Variants in ROBO2 observed in about 807,000 individuals in gnomAD.
The protein encoded by ROBO2 is roundabout homolog 2.
In ROBO2, 53 loss-of-function variants were observed where a neutral mutation model predicts 160.8. The ratio of observed to expected loss-of-function variants is 0.33; its 90% CI spans 0.26 to 0.41. The LOEUF (loss-of-function observed/expected upper bound fraction) is 0.41, where lower values mean the gene tolerates loss of function less well. Ranked by LOEUF, ROBO2 falls within the 10% of genes least tolerant of loss-of-function variation. The pLI, the probability that ROBO2 is intolerant of heterozygous loss-of-function variation, is 1.00. For synonymous variants in ROBO2, 664 were observed against 611.7 expected, an observed-to-expected ratio of 1.09 and a Z score of -1.26; for missense variants, 1,577 against 1,722.4, an observed-to-expected ratio of 0.92 and a Z score of 1.49.
At chr3:76,117,237 G>A (rs773582719) in intron 2 of ROBO2, among the ~76,000 whole-genome samples, 4 of 152,108 alleles carry the variant, frequency 2.6e-5, no homozygotes, top group Non-Finnish European at 2.9e-5. Flanking sequence ...ATATCTGCTT[G>A]TTCATAGCTT....
At chr3:76,766,095 C>G (rs1425047154) in intron 2 of ROBO2, among the ~76,000 whole-genome samples, 2 of 151,658 alleles carry the variant, frequency 1.3e-5, no homozygotes, top group Admixed American at 6.6e-5. Context: ...AATCGAATAA[C>G]TGTCATTGTT....
chr3:76,463,059 G>A (rs2078171909), intron 2 of ROBO2, among the ~76,000 whole-genome samples: 2 of 152,156 alleles, frequency 1.3e-5, no homozygotes, highest in African/African-American at 4.8e-5. Context: ...CAGCAGGGAA[G>A]TGGAGGCTGT....
chr3:76,861,712 G>A (rs1023396445), intron 2 of ROBO2, among the ~76,000 whole-genome samples: 2 of 152,200 alleles, frequency 1.3e-5, no homozygotes, highest in East Asian at 3.9e-4. Flanking sequence ...GTATCTTAAA[G>A]TCAAAGTTTA....
intron 2 of ROBO2, among the ~76,000 whole-genome samples, chr3:75,964,650 T>C (rs1243978526): frequency 6.6e-6 from 1 of 151,702 alleles, no homozygotes; most frequent in East Asian, 1.9e-4. Flanking sequence ...TGAACATCCC[T>C]ATTTTACCAA....
intron 2 of ROBO2, among the ~76,000 whole-genome samples, chr3:76,393,800 G>A (rs1377504455): frequency 6.6e-6 from 1 of 152,156 alleles, no homozygotes; most frequent in East Asian, 1.9e-4. Context: ...TCCTCAGCAT[G>A]AATCATACAG....
At chr3:76,475,698 C>G (rs2078897718) in intron 2 of ROBO2, among the ~76,000 whole-genome samples, 1 of 152,072 alleles carries the variant, frequency 6.6e-6, no homozygotes, top group Admixed American at 6.6e-5. Context: ...TGATTTTATT[C>G]TAAGAAGACG....
At chr3:76,336,066 A>G (rs867638031) in intron 2 of ROBO2, among the ~76,000 whole-genome samples, 3 of 152,186 alleles carry the variant, frequency 2.0e-5, no homozygotes, top group Admixed American at 2.0e-4. Context: ...ATAGATACGT[A>G]TTTCTCTCAT....
chr3:76,213,696 T>C (rs1238449899), intron 2 of ROBO2, among the ~76,000 whole-genome samples: 1 of 152,132 alleles, frequency 6.6e-6, no homozygotes, highest in Admixed American at 6.6e-5. Context: ...GAAAATCAGG[T>C]TTTTGTGGTG....
At chr3:77,492,883 T>C (rs7432637) in intron 4 of ROBO2, among the ~76,000 whole-genome samples, 147,736 of 152,226 alleles carry the variant, frequency 0.97, 71,718 homozygotes, top group East Asian at 1. Flanking sequence ...CTTTGAACCC[T>C]GATAATAGAT....
At chr3:76,734,031 A>T (rs1255384650) in intron 2 of ROBO2, among the ~76,000 whole-genome samples, 1 of 152,174 alleles carries the variant, frequency 6.6e-6, no homozygotes, top group Non-Finnish European at 1.5e-5. Context: ...GTCTCTGCTT[A>T]TGAGGGAACT....
chr3:76,093,897 G>A (rs1396200492), intron 2 of ROBO2, among the ~76,000 whole-genome samples: 7 of 152,100 alleles, frequency 4.6e-5, no homozygotes, highest in Non-Finnish European at 8.8e-5. Context: ...AGCCTCATAA[G>A]TATAAGAATC....
Position 77,277,156 on chromosome 3 carries a change from C to CTTT in ROBO2, c.388+178816_388+178817insTTT, listed in dbSNP as rs1560407616. ...TCCTTTCTTCCTTCTTTCCTTCTTT[C>CTTT]CTTCTTTCTTTCTTTCTTTCTTTCT... On this transcript the variant is annotated intron_variant, in intron 2 of 25. Transcript: ENST00000461745. 4.5e-3 allele frequency among the ~76,000 whole-genome samples: 487 copies of CTTT among 108,358 alleles called. 1 individual carries two copies. The highest frequency in any genetic ancestry group is 6.6e-3 in the Non-Finnish European group (335 of 50,542). 71.1% of individuals were successfully genotyped at this position (108,358 alleles called of 152,430 possible).
chr3:76,351,605 G>C (rs1212541986), intron 2 of ROBO2, among the ~76,000 whole-genome samples: 1 of 151,882 alleles, frequency 6.6e-6, no homozygotes, highest in Non-Finnish European at 1.5e-5. Flanking sequence ...TGGTTAATGA[G>C]TGTTTCAACT....
intron 2 of ROBO2, among the ~76,000 whole-genome samples, chr3:76,898,914 A>AAACACTTCAG (rs1216611687): frequency 6.6e-6 from 1 of 152,214 alleles, no homozygotes; most frequent in Non-Finnish European, 1.5e-5. Context: ...CGTTATGTGC[A>AAACACTTCAG]AACACTTCAG....
intron 2 of ROBO2, among the ~76,000 whole-genome samples, chr3:76,578,348 G>C (rs2085444218): frequency 6.6e-6 from 1 of 151,994 alleles, no homozygotes; most frequent in African/African-American, 2.4e-5. Context: ...CTCCTGTCTT[G>C]GGTCTCTACT....
chr3:77,632,711 C>A, intron 23 of ROBO2: 2 of 1,445,166 alleles, frequency 1.4e-6, no homozygotes, highest in Non-Finnish European at 9.2e-7. Context: ...TCCTTGGACA[C>A]TGTCCTCTTT....
chr3:76,281,417 C>T (rs1431964644), intron 2 of ROBO2, among the ~76,000 whole-genome samples: 1 of 151,852 alleles, frequency 6.6e-6, no homozygotes, highest in Non-Finnish European at 1.5e-5. Context: ...ATCTCTTTTC[C>T]ATCAATTTGC....
intron 17 of ROBO2, among the ~76,000 whole-genome samples, chr3:77,594,853 A>C (rs1237638728): frequency 6.6e-6 from 1 of 152,190 alleles, no homozygotes; most frequent in African/African-American, 2.4e-5. Context: ...ATACCACTAT[A>C]TATACTAATT....
intron 2 of ROBO2, among the ~76,000 whole-genome samples, chr3:76,496,319 G>A (rs961330079): frequency 4.6e-5 from 7 of 152,120 alleles, no homozygotes; most frequent in Admixed American, 3.3e-4. Flanking sequence ...GAGAATGACC[G>A]TAATTAATCT....
Sources: gnomAD v4.1 joint callset for allele counts (sites outside exome capture counted in the v4.1 genomes callset) on GRCh38, gnomAD v4.1.1 for gene constraint, MANE v1.5 for transcripts, NCBI Gene and HGNC (gene_info 2026-07-23, HGNC 2026-07-21) for gene names.